Variants in RCOR1 observed in about 807,000 individuals in gnomAD.
RCOR1 encodes REST corepressor.
Under a neutral mutation model 64.0 loss-of-function variants are expected in RCOR1, and 12 were observed. The observed-to-expected ratio is 0.19, with a 90% CI of 0.12 to 0.30. The LOEUF is 0.30. Ranked by LOEUF, RCOR1 falls within the 10% of genes least tolerant of loss-of-function variation. RCOR1 has a pLI of 1.00. For synonymous variants in RCOR1, 279 were observed against 227.2 expected (o/e 1.23, Z -2.05); for missense variants, 502 against 621.2 (o/e 0.81, Z 2.04).
At chr14:102,697,158 C>G (rs1374001385) in intron 3 of RCOR1, among the ~76,000 whole-genome samples, 1 of 152,206 alleles carries the variant, frequency 6.6e-6, no homozygotes, top group Non-Finnish European at 1.5e-5. Flanking sequence ...TGAGTAAACT[C>G]TAGTCCAGAA....
At chr14:102,643,963 T>A (rs114213158) in intron 2 of RCOR1, among the ~76,000 whole-genome samples, 14,890 of 152,306 alleles carry the variant, frequency 0.098, 785 homozygotes, top group Middle Eastern at 0.17. Context: ...GCCTAACAAC[T>A]GTTGCTGTTA....
chr14:102,639,565 G>A (rs956774173), intron 2 of RCOR1, among the ~76,000 whole-genome samples: 9 of 147,314 alleles, frequency 6.1e-5, no homozygotes, highest in East Asian at 6.0e-4. Context: ...ATGGAGTCTC[G>A]CTCTGTTGTC....
intron 2 of RCOR1, among the ~76,000 whole-genome samples, chr14:102,653,304 C>T (rs528353487): frequency 2.0e-4 from 30 of 151,922 alleles, no homozygotes; most frequent in African/African-American, 5.6e-4. Context: ...CTGGAGCCTC[C>T]GCCTCCTGGG....
chr14:102,596,923 A>T (rs1442310279), intron 2 of RCOR1, among the ~76,000 whole-genome samples: 2 of 131,984 alleles, frequency 1.5e-5, no homozygotes, highest in Non-Finnish European at 3.1e-5. Flanking sequence ...CCCAGGCTGG[A>T]GTGCAATGGC....
chr14:102,634,649 T>C (rs1894196989), intron 2 of RCOR1, among the ~76,000 whole-genome samples: 2 of 143,496 alleles, frequency 1.4e-5, no homozygotes, highest in African/African-American at 5.8e-5. Context: ...TATATATATA[T>C]ATGTATATAT....
intron 2 of RCOR1, among the ~76,000 whole-genome samples, chr14:102,617,361 C>T (rs1341365983): frequency 2.0e-5 from 3 of 152,082 alleles, no homozygotes; most frequent in Non-Finnish European, 2.9e-5. Flanking sequence ...TGTCTGTTGC[C>T]TTGCTTTCAC....
At chr14:102,626,436 G>C (rs145512883) in intron 2 of RCOR1, among the ~76,000 whole-genome samples, 165 of 152,322 alleles carry the variant, frequency 1.1e-3, no homozygotes, top group Non-Finnish European at 2.0e-3. Context: ...ACCTTAGCTG[G>C]CTGCTCAGTC....
intron 10 of RCOR1, 96 bp downstream of exon 10, chr14:102,721,473 C>CT: frequency 6.0e-6 from 5 of 836,446 alleles, no homozygotes; most frequent in Non-Finnish European, 9.9e-6. Flanking sequence ...TTTGCTTGAG[C>CT]CCAGGAGCTC....
chr14:102,650,445 C>A (rs1197861169), intron 2 of RCOR1, among the ~76,000 whole-genome samples: 1 of 152,000 alleles, frequency 6.6e-6, no homozygotes, highest in African/African-American at 2.4e-5. Flanking sequence ...TGCTTAATGA[C>A]TGAGATTAGT....
intron 2 of RCOR1, among the ~76,000 whole-genome samples, chr14:102,617,995 CAG>C (rs753167857): frequency 1.7e-5 from 2 of 120,442 alleles, no homozygotes; most frequent in Non-Finnish European, 3.4e-5. Context: ...TTTTGTGAGA[CAG>C]AGTCTTGCTT....
intron 2 of RCOR1, chr14:102,655,431 A>T: frequency 1.0e-6 from 1 of 984,764 alleles, no homozygotes; most frequent in African/African-American, 1.7e-5. Context: ...TAACTATGGC[A>T]TGTTTTATAA....
intron 2 of RCOR1, among the ~76,000 whole-genome samples, chr14:102,652,803 G>GT (rs142293096): frequency 6.6e-6 from 1 of 152,268 alleles, no homozygotes; most frequent in African/African-American, 2.4e-5. Flanking sequence ...TACTTAGCAT[G>GT]TATAACTGTG....
intron 3 of RCOR1, among the ~76,000 whole-genome samples, chr14:102,685,280 T>TTTCATCTCAG (rs1352816913): frequency 3.3e-5 from 5 of 152,200 alleles, no homozygotes; most frequent in African/African-American, 1.2e-4. Flanking sequence ...TGGGACTTTG[T>TTTCATCTCAG]TTCATCTCAG....
chr14:102,653,903 C>T (rs958867402), intron 2 of RCOR1, among the ~76,000 whole-genome samples: 1 of 148,438 alleles, frequency 6.7e-6, no homozygotes, highest in African/African-American at 2.5e-5. Context: ...ATTACCTAGT[C>T]TCATCTCAGG....
chr14:102,672,833 CCAAA>C (rs1163259066), intron 2 of RCOR1, among the ~76,000 whole-genome samples: 2 of 152,106 alleles, frequency 1.3e-5, no homozygotes, highest in Admixed American at 1.3e-4. Flanking sequence ...TGTTCTGCTC[CCAAA>C]CAGTTGACAA....
At chr14:102,660,353 C>CT (rs36033972) in intron 2 of RCOR1, among the ~76,000 whole-genome samples, 83 of 148,444 alleles carry the variant, frequency 5.6e-4, no homozygotes, top group Admixed American at 1.8e-3. Flanking sequence ...TTGGGTAAAA[C>CT]TTTTTTTTTT....
At chr14:102,631,267 A>T (rs1010993526) in intron 2 of RCOR1, among the ~76,000 whole-genome samples, 1 of 151,458 alleles carries the variant, frequency 6.6e-6, no homozygotes, top group African/African-American at 2.4e-5. Flanking sequence ...CAGTGGCGCA[A>T]TCTCGGCTCA....
At chr14:102,636,193 C>T (rs1018493373) in intron 2 of RCOR1, among the ~76,000 whole-genome samples, 1 of 152,086 alleles carries the variant, frequency 6.6e-6, no homozygotes, top group Non-Finnish European at 1.5e-5. Context: ...CCGCCTTGGC[C>T]TCCCAAAGTG....
At chr14:102,684,424 T>G (rs1895372531) in intron 3 of RCOR1, among the ~76,000 whole-genome samples, 1 of 152,200 alleles carries the variant, frequency 6.6e-6, no homozygotes, top group Admixed American at 6.5e-5. Flanking sequence ...AAGGATTGAC[T>G]TTATAGAATA....
Sources: gnomAD v4.1 joint callset for allele counts (sites outside exome capture counted in the v4.1 genomes callset) on GRCh38, gnomAD v4.1.1 for gene constraint, MANE v1.5 for transcripts, NCBI Gene and HGNC (gene_info 2026-07-23, HGNC 2026-07-21) for gene names.